Variants in DAG1 observed in about 807,000 individuals in gnomAD.
DAG1 encodes dystroglycan 1 (dystrophin-associated glycoprotein 1).
Under a neutral mutation model 46.1 loss-of-function variants are expected in DAG1, and 8 were observed. The observed-to-expected ratio is 0.17, with a 90% CI of 0.10 to 0.31. DAG1 has a LOEUF of 0.31. DAG1 is among the 10% of genes least tolerant of loss of function. DAG1 has a pLI of 1.00. For missense variants in DAG1, 1,003 were observed against 1,189.9 expected (o/e 0.84, Z 2.31); for synonymous variants, 495 against 481.8 (o/e 1.03, Z -0.36).
rs2051478022 is a variant in DAG1, at chr3:49,535,182, C to T, written c.*1983C>T. On this transcript the variant is annotated 3_prime_UTR_variant, in exon 3 of 3. Transcript: ENST00000308775. ...CAGAGTTTCCCTGGTGCCCCAGAGA[C>T]AGGAGCACAAGTGGGATCTGACCTG... is the stretch of plus-strand genomic sequence containing the variant. 1 of 152,274 alleles carries T rather than the reference C, an allele frequency of 6.6e-6. No homozygotes were observed. The highest frequency in any genetic ancestry group is 6.5e-5 in the Admixed American group (1 of 15,284). 9.4% of individuals were successfully genotyped at this position (152,274 alleles called of 1,614,324 possible). A position where few individuals can be genotyped will look rare whatever the true frequency, so the allele number is the denominator to read the frequency against.
At chr3:49,511,395 A>C (rs1412388107) in intron 2 of DAG1, among the ~76,000 whole-genome samples, 1 of 152,150 alleles carries the variant, frequency 6.6e-6, no homozygotes, top group Non-Finnish European at 1.5e-5. Context: ...ATCAGGTGAA[A>C]TAGGAAGCTT....
Position 49,533,432 on chromosome 3 carries a change from G to A in DAG1, c.*233G>A, listed in dbSNP as rs11538154. On this transcript the variant is annotated 3_prime_UTR_variant, in exon 3 of 3. Transcript: ENST00000308775. Reference sequence around the variant, plus strand: ...TTTTATTTTTTGCCTAACAGCTTTTGGTTTGTTCATAGAGAATTCTTCGCT... The same window carrying A: ...TTTTATTTTTTGCCTAACAGCTTTTAGTTTGTTCATAGAGAATTCTTCGCT... 1 of 711,068 alleles carries A rather than the reference G, an allele frequency of 1.4e-6. No individual in the cohort carries two copies. The highest frequency in any genetic ancestry group is 2.5e-6 in the Non-Finnish European group (1 of 397,168). The allele number at this position is 711,068 out of a possible 1,614,324, so 44.0% of individuals were successfully genotyped here.
intron 1 of DAG1, among the ~76,000 whole-genome samples, chr3:49,494,917 G>A (rs60042999): frequency 2.6e-5 from 4 of 152,266 alleles, no homozygotes; most frequent in South Asian, 4.1e-4. Flanking sequence ...ACAGGTGTGA[G>A]CCACCGGCGC....
intron 1 of DAG1, among the ~76,000 whole-genome samples, chr3:49,478,556 T>C (rs2106933713): frequency 6.8e-6 from 1 of 147,574 alleles, no homozygotes; most frequent in Non-Finnish European, 1.5e-5. Flanking sequence ...TTTTTTAAAT[T>C]TTTTGTAGAG....
chr3:49,520,219 C>G (rs1038548309), intron 2 of DAG1, among the ~76,000 whole-genome samples: 1 of 152,216 alleles, frequency 6.6e-6, no homozygotes, highest in African/African-American at 2.4e-5. Flanking sequence ...TGTGACTGCC[C>G]ATGTTCCTCA....
chr3:49,516,196 T>A (rs2050892035), intron 2 of DAG1, among the ~76,000 whole-genome samples: 1 of 152,254 alleles, frequency 6.6e-6, no homozygotes, highest in Non-Finnish European at 1.5e-5. Flanking sequence ...ATCTTCTTCT[T>A]AGCAGATTTC....
At chr3:49,478,298 A>G (rs1291972557) in intron 1 of DAG1, among the ~76,000 whole-genome samples, 1 of 150,108 alleles carries the variant, frequency 6.7e-6, no homozygotes, top group Non-Finnish European at 1.5e-5. Context: ...AAGAAAAAAA[A>G]GTGGAAAGAA....
At chr3:49,504,567 CTTTTTTTTTTTTTTTTTTTT>C (rs55662849) in intron 1 of DAG1, among the ~76,000 whole-genome samples, 201 of 49,748 alleles carry the variant, frequency 4.0e-3, no homozygotes, top group African/African-American at 0.017. Flanking sequence ...CCAATACAGT[CTTTTTTTTTTTTTTTTTTTT>C]TTTTTTTTTT....
chr3:49,483,279 C>G (rs953208426), intron 1 of DAG1, among the ~76,000 whole-genome samples: 6 of 151,040 alleles, frequency 4.0e-5, no homozygotes, highest in African/African-American at 1.5e-4. Flanking sequence ...TCTCAGCTCA[C>G]TGCAACCTCT....
At position 49,510,694 on chromosome 3, in the gene DAG1, C is replaced by G. The variant is rs144196027; in HGVS notation, c.160C>G (p.Leu54Val). 129 of 1,614,186 alleles carry G rather than the reference C, an allele frequency of 8.0e-5. No homozygotes were observed. The East Asian group carries it at 2.9e-3, about 36-fold the overall frequency. Residue 54 changes from leucine to valine, a missense_variant, in exon 2 of 3, where the codon CTC becomes GTC. Around this residue, in one of 3 missense-constraint regions of DAG1, gnomAD observed 196 missense variants for 239.1 expected, o/e 0.82. Coordinates refer to ENST00000308775, the MANE Select transcript of DAG1 (RefSeq NM_004393.6). ...NQLEASMHSV[L>V]SDLHEAVPTV... ...GCTTGAGGCATCCATGCACTCAGTG[C>G]TCTCAGACCTCCACGAGGCTGTTCC...
chr3:49,501,229 G>A (rs1377552501), intron 1 of DAG1, among the ~76,000 whole-genome samples: 1 of 152,104 alleles, frequency 6.6e-6, no homozygotes, highest in Non-Finnish European at 1.5e-5. Flanking sequence ...GGCAGGGTGT[G>A]TCTCATAACT....
In DAG1 at chr3:49,495,649, CAGT is replaced by C. The variant is rs377378632; in HGVS notation, c.-116-14769_-116-14767del. ...CCAAATGGACAGTTAGGGCCGGGCA[CAGT>C]GGCTCATGCCTGTAATCCCAGCACT... On this transcript the variant is annotated intron_variant, in intron 1 of 2. Transcript: ENST00000308775. Among the ~76,000 whole-genome samples the C allele has an allele frequency of 4.4e-3, 667 of 152,232 alleles. 4 individuals carry two copies. Among genetic ancestry groups the C allele is most frequent in the African/African-American group, 0.015 (623 of 41,538 alleles).
chr3:49,511,093 G>A (rs1335190495), intron 2 of DAG1: 1 of 588,034 alleles, frequency 1.7e-6, no homozygotes, highest in African/African-American at 2.0e-5. Flanking sequence ...GGATTTGTTG[G>A]AAAGGTCTGT....
At chr3:49,524,037 G>T (rs1365947455) in intron 2 of DAG1, among the ~76,000 whole-genome samples, 3 of 152,222 alleles carry the variant, frequency 2.0e-5, no homozygotes, top group African/African-American at 7.2e-5. Flanking sequence ...TAGGATCTGA[G>T]AAGAAGAGAA....
At chr3:49,509,859 G>C (rs2050713665) in intron 1 of DAG1, among the ~76,000 whole-genome samples, 1 of 151,998 alleles carries the variant, frequency 6.6e-6, no homozygotes, top group African/African-American at 2.4e-5. Context: ...TTCCTCAGTA[G>C]CTGGGATTAC....
chr3:49,495,880 A>G (rs1381888903), intron 1 of DAG1, among the ~76,000 whole-genome samples: 1 of 151,998 alleles, frequency 6.6e-6, no homozygotes, highest in Non-Finnish European at 1.5e-5. Context: ...AGATCGTGCC[A>G]CTTGCACTCC....
At chr3:49,496,098 A>C (rs1444425532) in intron 1 of DAG1, among the ~76,000 whole-genome samples, 1 of 152,152 alleles carries the variant, frequency 6.6e-6, no homozygotes, top group African/African-American at 2.4e-5. Flanking sequence ...AAAGCCTCCT[A>C]AAGTATTTTC....
chr3:49,499,427 A>G (rs1023175961), intron 1 of DAG1, among the ~76,000 whole-genome samples: 3 of 152,224 alleles, frequency 2.0e-5, no homozygotes, highest in African/African-American at 7.2e-5. Context: ...AGGTACTTAA[A>G]AATATATATA....
intron 1 of DAG1, among the ~76,000 whole-genome samples, chr3:49,492,001 C>T (rs1553645015): frequency 6.8e-6 from 1 of 147,560 alleles, no homozygotes; most frequent in African/African-American, 2.5e-5. Context: ...ATCTCGGCTC[C>T]CTGCGACCTC....
Sources: gnomAD v4.1 joint callset for allele counts (sites outside exome capture counted in the v4.1 genomes callset) on GRCh38, gnomAD v4.1.1 for gene constraint, gnomAD v4.1.1 regional missense constraint, MANE v1.5 for transcripts, NCBI Gene and HGNC (gene_info 2026-07-23, HGNC 2026-07-21) for gene names.